FBXW11: variants seen among roughly 807,000 people sequenced by gnomAD.
FBXW11 encodes F-box/WD repeat-containing protein 11.
A neutral mutation model predicts 77.6 loss-of-function variants in FBXW11; 19 were observed. That is an observed-to-expected ratio of 0.24 (90% confidence interval 0.17 to 0.36). FBXW11 has a LOEUF of 0.36. Among genes scored for constraint, FBXW11 ranks in the 10% least tolerant of loss-of-function variants. The pLI, the probability that FBXW11 is intolerant of heterozygous loss-of-function variation, is 1.00. For missense variants in FBXW11, 334 were observed against 704.2 expected (o/e 0.47, Z 5.95); for synonymous variants, 235 against 249.4 (o/e 0.94, Z 0.54).
Position 171,952,422 on chromosome 5 carries a change from CAT to C in FBXW11, c.147+5173_147+5174del, listed in dbSNP as rs1198809796. Among the ~76,000 whole-genome samples the C allele has an allele frequency of 7.7e-3, 112 of 14,640 alleles. 10 individuals are homozygous for C. Among genetic ancestry groups the C allele is most frequent in the African/African-American group, 0.018 (94 of 5,286 alleles). 9.6% of individuals were successfully genotyped at this position (14,640 alleles called of 152,430 possible). On this transcript the variant is annotated intron_variant, in intron 2 of 13. Transcript: ENST00000517395. ...TGTGTGTGTGTGTTGTGTGTACATA[CAT>C]ATATATATATATATATATATATATT...
chr5:171,935,881 C>A (rs1049121105), intron 2 of FBXW11, among the ~76,000 whole-genome samples: 2 of 151,842 alleles, frequency 1.3e-5, no homozygotes, highest in Non-Finnish European at 2.9e-5. Context: ...GAGGCCAAGG[C>A]GGGCTGATCA....
chr5:171,937,837 C>CAAA (rs893848306), intron 2 of FBXW11, among the ~76,000 whole-genome samples: 3 of 57,782 alleles, frequency 5.2e-5, no homozygotes, highest in Admixed American at 2.0e-4. Flanking sequence ...CAAAAAAAAG[C>CAAA]AAAAAAAAAA....
At position 172,006,491 on chromosome 5, in the gene FBXW11, G is replaced by A. The variant is rs1178522296; in HGVS notation, c.12C>T (p.Asp4=). 6.5e-7 allele frequency: 1 copy of A among 1,532,890 alleles called. No individual in the cohort carries two copies. Among genetic ancestry groups the A allele is most frequent in the Non-Finnish European group, 8.8e-7 (1 of 1,140,690 alleles). 95.0% of individuals were successfully genotyped at this position (1,532,890 alleles called of 1,614,324 possible). MEP[D]SVIEDKTIEL... is the part of the protein sequence containing the mutation. Reference sequence around the variant, plus strand: ...CGATGGTCTTGTCCTCAATCACCGAGTCGGGCTCCATGGCGGCCCCGGCGG... The same window carrying A: ...CGATGGTCTTGTCCTCAATCACCGAATCGGGCTCCATGGCGGCCCCGGCGG... Residue 4 remains aspartate, a synonymous_variant, in exon 1 of 14, where the codon GAC becomes GAT. Transcript: ENST00000517395.
chr5:171,938,394 C>T (rs1356946737), intron 2 of FBXW11, among the ~76,000 whole-genome samples: 1 of 152,094 alleles, frequency 6.6e-6, no homozygotes, highest in African/African-American at 2.4e-5. Flanking sequence ...ATAACATGAC[C>T]CTTAAATAGG....
At chr5:171,898,893 A>T (rs565169180) in intron 6 of FBXW11, 111 bp downstream of exon 6, 193 of 570,070 alleles carry the variant, frequency 3.4e-4, no homozygotes, top group Middle Eastern at 1.0e-3. Context: ...TCAACTTTTT[A>T]AAAAAAATTA....
chr5:171,944,519 G>A (rs1476504334), intron 2 of FBXW11, among the ~76,000 whole-genome samples: 9 of 143,952 alleles, frequency 6.3e-5, no homozygotes, highest in African/African-American at 2.3e-4. Context: ...GGAGCCTGCA[G>A]TGAGCGGAGA....
chr5:171,903,713 A>C (rs1385080383), intron 4 of FBXW11, among the ~76,000 whole-genome samples: 2 of 152,048 alleles, frequency 1.3e-5, no homozygotes, highest in African/African-American at 4.8e-5. Flanking sequence ...TGACATGATC[A>C]TGGCTCACTA....
chr5:171,997,318 A>G (rs2113593235), intron 1 of FBXW11, among the ~76,000 whole-genome samples: 1 of 152,352 alleles, frequency 6.6e-6, no homozygotes, highest in African/African-American at 2.4e-5. Context: ...CTTCCAAATG[A>G]GAGCAGCTAA....
chr5:171,932,375 T>C (rs1425405920), intron 2 of FBXW11, among the ~76,000 whole-genome samples: 1 of 152,014 alleles, frequency 6.6e-6, no homozygotes, highest in African/African-American at 2.4e-5. Context: ...ATGGCCAAAA[T>C]CCAAAATGCA....
chr5:171,880,177 G>A (rs1394468138), intron 7 of FBXW11, among the ~76,000 whole-genome samples: 1 of 152,152 alleles, frequency 6.6e-6, no homozygotes, highest in East Asian at 1.9e-4. Flanking sequence ...AATTGCTTCT[G>A]CCCCATTTGT....
chr5:171,918,313 A>C (rs772182881), intron 2 of FBXW11, among the ~76,000 whole-genome samples: 1 of 152,204 alleles, frequency 6.6e-6, no homozygotes, highest in Non-Finnish European at 1.5e-5. Flanking sequence ...GCAAAAATAG[A>C]AAATTCTCTT....
In FBXW11 at chr5:171,926,093, C is replaced by A. The variant is rs545083111; in HGVS notation, c.148-11688G>T. Among the ~76,000 whole-genome samples, 9 of 152,288 alleles carry A rather than the reference C, an allele frequency of 5.9e-5. No homozygotes were observed. In the East Asian group the frequency reaches 1.5e-3, roughly 26 times the overall value. ...ATTTGATTTTTGCTTACTTATCCTA[C>A]CTAAATTTTCCTTAAAGTACACACG... On this transcript the variant is annotated intron_variant, in intron 2 of 13. Transcript: ENST00000517395.
intron 2 of FBXW11, among the ~76,000 whole-genome samples, chr5:171,955,308 T>C (rs1763551926): frequency 6.6e-6 from 1 of 152,210 alleles, no homozygotes; most frequent in East Asian, 1.9e-4. Flanking sequence ...GGGGACTCTT[T>C]CATGGAACTT....
At position 172,006,578 on chromosome 5, in the gene FBXW11, C is replaced by T; in HGVS notation, c.-76G>A. On this transcript the variant is annotated 5_prime_UTR_variant, in exon 1 of 14. Coordinates refer to ENST00000517395, the MANE Select transcript of FBXW11 (RefSeq NM_001378974.1). Reference sequence around the variant, plus strand: ...CGGGCGGAGGAGGCGACGGCGGAGGCGGCAGAGGCGGAGGCGGCTATCGCA... The same window carrying T: ...CGGGCGGAGGAGGCGACGGCGGAGGTGGCAGAGGCGGAGGCGGCTATCGCA... 4 of 1,418,886 alleles carry T rather than the reference C, an allele frequency of 2.8e-6. No homozygotes were observed. The highest frequency in any genetic ancestry group is 1.5e-5 in the South Asian group (1 of 66,870). 87.9% of individuals were successfully genotyped at this position (1,418,886 alleles called of 1,614,324 possible). A position where few individuals can be genotyped will look rare whatever the true frequency, so the allele number is the denominator to read the frequency against.
intron 1 of FBXW11, among the ~76,000 whole-genome samples, chr5:171,982,424 GCAC>G (rs1765199479): frequency 6.6e-6 from 1 of 152,082 alleles, no homozygotes; most frequent in South Asian, 2.1e-4. Context: ...TTACAGGAAT[GCAC>G]CACCACCCAG....
chr5:171,927,517 T>A (rs1318158784), intron 2 of FBXW11, among the ~76,000 whole-genome samples: 2 of 152,164 alleles, frequency 1.3e-5, no homozygotes, highest in Non-Finnish European at 2.9e-5. Flanking sequence ...GAAGTTTTTT[T>A]AAAAAGGAAA....
intron 2 of FBXW11, among the ~76,000 whole-genome samples, chr5:171,919,128 TA>T (rs1761430336): frequency 1.3e-5 from 2 of 152,152 alleles, no homozygotes; most frequent in Admixed American, 1.3e-4. Context: ...TGCTTGCCAT[TA>T]AATTCATATT....
intron 2 of FBXW11, among the ~76,000 whole-genome samples, chr5:171,938,706 G>A (rs1363852922): frequency 6.6e-6 from 1 of 152,070 alleles, no homozygotes; most frequent in Non-Finnish European, 1.5e-5. Flanking sequence ...ATATATACAA[G>A]GTTATTCAGT....
chr5:171,914,757 T>A (rs559968443), intron 2 of FBXW11, among the ~76,000 whole-genome samples: 2 of 152,180 alleles, frequency 1.3e-5, no homozygotes, highest in African/African-American at 4.8e-5. Flanking sequence ...TTCCGATGAT[T>A]GCACAAAACA....
Sources: allele counts gnomAD v4.1 joint callset (sites outside exome capture counted in the v4.1 genomes callset), GRCh38; gene constraint gnomAD v4.1.1; transcripts MANE v1.5; gene names NCBI Gene and HGNC (gene_info 2026-07-23, HGNC 2026-07-21).